Variants in EML6 observed in about 807,000 individuals in gnomAD.
EML6 encodes EMAP like 6.
A neutral mutation model predicts 240.1 loss-of-function variants in EML6; 154 were observed. That is an observed-to-expected ratio of 0.64 (90% CI 0.56 to 0.73). The LOEUF is 0.73. Ranked by LOEUF, EML6 falls within the 30% of genes least tolerant of loss-of-function variation. The pLI, the probability that EML6 is intolerant of heterozygous loss-of-function variation, is 0.00. For synonymous variants in EML6, 1,148 were observed against 899.0 expected (o/e 1.28, Z -4.95); for missense variants, 2,964 against 2,474.6 (o/e 1.20, Z -4.20).
At chr2:54,909,576 G>A (rs1673529909) in intron 24 of EML6, among the ~76,000 whole-genome samples, 1 of 152,134 alleles carries the variant, frequency 6.6e-6, no homozygotes, top group South Asian at 2.1e-4. Context: ...TGAGCATGGT[G>A]GCTCATGCCA....
intron 12 of EML6, among the ~76,000 whole-genome samples, chr2:54,861,613 A>G (rs554624586): frequency 9.8e-5 from 15 of 152,298 alleles, no homozygotes; most frequent in African/African-American, 3.6e-4. Context: ...CGGTACCAAC[A>G]GGACATGGCA....
intron 2 of EML6, among the ~76,000 whole-genome samples, chr2:54,756,118 A>G (rs1238088378): frequency 1.3e-5 from 2 of 152,084 alleles, no homozygotes; most frequent in Non-Finnish European, 2.9e-5. Context: ...GAATGCCGTG[A>G]GCGATAGGTG....
At chr2:54,744,377 C>G (rs1262199434) in intron 2 of EML6, among the ~76,000 whole-genome samples, 3 of 152,070 alleles carry the variant, frequency 2.0e-5, no homozygotes, top group African/African-American at 7.2e-5. Flanking sequence ...GATAAATTTG[C>G]AGGAACATGT....
At chr2:54,851,304 T>G (rs996853174) in intron 10 of EML6, among the ~76,000 whole-genome samples, 1 of 152,016 alleles carries the variant, frequency 6.6e-6, no homozygotes, top group Non-Finnish European at 1.5e-5. Context: ...TTCCAGCTAC[T>G]TGGGAGGCTA....
chr2:54,951,378 C>T (rs1259976802), intron 30 of EML6, among the ~76,000 whole-genome samples: 1 of 151,952 alleles, frequency 6.6e-6, no homozygotes, highest in African/African-American at 2.4e-5. Context: ...ACTAAAAATA[C>T]AAAAATTAGC....
chr2:54,792,225 A>T (rs988540427), intron 2 of EML6, among the ~76,000 whole-genome samples: 2 of 152,236 alleles, frequency 1.3e-5, no homozygotes, highest in Non-Finnish European at 2.9e-5. Context: ...TGTGTTGGGC[A>T]GAATGAAAAA....
chr2:54,968,872 G>C (rs1309168021), intron 41 of EML6, 104 bp downstream of exon 41: 2 of 634,512 alleles, frequency 3.2e-6, no homozygotes, highest in African/African-American at 3.6e-5. Context: ...CATGAGGAGG[G>C]CTGATGTGGG....
intron 14 of EML6, 40 bp downstream of exon 14, chr2:54,866,924 T>A: frequency 3.2e-6 from 4 of 1,253,052 alleles, no homozygotes; most frequent in Non-Finnish European, 4.6e-6. Flanking sequence ...TGTTCCTCTG[T>A]CTCTGCCTGG....
At chr2:54,888,060 C>G (rs910018735) in intron 17 of EML6, among the ~76,000 whole-genome samples, 5 of 152,206 alleles carry the variant, frequency 3.3e-5, no homozygotes, top group East Asian at 1.9e-4. Context: ...AGCATAGACG[C>G]CAATACTATG....
chr2:54,930,936 G>A lies in EML6; in HGVS notation c.4004+2185G>A, dbSNP rs186520440. ...ATTTTAGGGGAGACTGAACCTCAGA[G>A]ATCAGACCGTAGGCATCTTTTTTTT... On this transcript the variant is annotated intron_variant, in intron 28 of 41. Transcript: ENST00000356458. 6.8e-4 allele frequency among the ~76,000 whole-genome samples: 100 copies of A among 147,932 alleles called. 1 individual carries two copies. The highest frequency in any genetic ancestry group is 2.5e-3 in the African/African-American group (100 of 40,668).
At chr2:54,895,210 T>A in intron 20 of EML6, 63 bp from the exon 21 acceptor site, 1 of 1,522,596 alleles carries the variant, frequency 6.6e-7, no homozygotes, top group Non-Finnish European at 8.9e-7. Context: ...CTATAAAAAT[T>A]GAATTTATAC....
intron 11 of EML6, among the ~76,000 whole-genome samples, chr2:54,856,622 G>T (rs544220747): frequency 6.6e-6 from 1 of 152,324 alleles, no homozygotes; most frequent in East Asian, 1.9e-4. Flanking sequence ...GCTTGATGCA[G>T]TGCAGAAGCA....
chr2:54,893,922 A>C (rs1460460121), intron 19 of EML6, among the ~76,000 whole-genome samples: 2 of 152,178 alleles, frequency 1.3e-5, no homozygotes, highest in East Asian at 3.8e-4. Context: ...AAGAAGAAAG[A>C]ATTTCTGTAG....
At chr2:54,961,980 GGTGACAGA>G (rs750106717) in intron 35 of EML6, among the ~76,000 whole-genome samples, 26 of 151,320 alleles carry the variant, frequency 1.7e-4, no homozygotes, top group Non-Finnish European at 2.7e-4. Context: ...CTCCAGCCTG[GGTGACAGA>G]GTGAGACCCT....
chr2:54,947,388 C>G lies in EML6; in HGVS notation c.4005-1494C>G, dbSNP rs541154000. On this transcript the variant is annotated intron_variant, in intron 28 of 41. Coordinates refer to ENST00000356458, the MANE Select transcript of EML6 (RefSeq NM_001039753.4). The stretch of plus-strand genomic sequence containing the variant: ...TGCAGAGATGTGCTGTCTACCCATT[C>G]TTCAGTGGTGATTATAATACCGTTT... 2.6e-4 allele frequency among the ~76,000 whole-genome samples: 40 copies of G among 152,238 alleles called. No individual in the cohort carries two copies. The East Asian group carries it at 5.8e-3, about 22-fold the overall frequency.
intron 5 of EML6, among the ~76,000 whole-genome samples, chr2:54,827,172 T>C (rs990682321): frequency 7.9e-5 from 12 of 152,308 alleles, no homozygotes; most frequent in African/African-American, 2.9e-4. Context: ...AATTTTCCTT[T>C]TTATACTTAT....
rs1673143529 is a variant in EML6, at chr2:54,903,059, C to T, written c.3140C>T (p.Ala1047Val). 1.9e-6 allele frequency: 3 copies of T among 1,551,384 alleles called. No individual in the cohort carries two copies. Among genetic ancestry groups the T allele is most frequent in the Non-Finnish European group, 2.6e-6 (3 of 1,146,912 alleles). ...TCTTCTGTAGGTGGAAGATGCTGTG[C>T]CTTTTCCCCTGATGGGAAAGCCTTA... ...RKLKKGGRCC[A>V]FSPDGKALAV... Residue 1047 changes from alanine to valine, a missense_variant, in exon 23 of 42, where the codon GCC becomes GTC. Ala to Val is a moderately conservative substitution (Grantham distance 64, BLOSUM62 0). Coordinates refer to ENST00000356458, the MANE Select transcript of EML6 (RefSeq NM_001039753.4).
chr2:54,866,318 C>G (rs1271029971), intron 13 of EML6, among the ~76,000 whole-genome samples: 1 of 152,136 alleles, frequency 6.6e-6, no homozygotes, highest in African/African-American at 2.4e-5. Context: ...GATCTTTGCT[C>G]TGTATCTCAG....
chr2:54,847,127 C>G (rs1021296480), intron 8 of EML6, among the ~76,000 whole-genome samples: 2 of 147,182 alleles, frequency 1.4e-5, no homozygotes, highest in Admixed American at 6.7e-5. Flanking sequence ...AGGCTATTCT[C>G]GAACTCCTGG....
Sources: allele counts gnomAD v4.1 joint callset (sites outside exome capture counted in the v4.1 genomes callset), GRCh38; gene constraint gnomAD v4.1.1; transcripts MANE v1.5; gene names NCBI Gene and HGNC (gene_info 2026-07-23, HGNC 2026-07-21).